The following PRC1 variants were observed in gnomAD, a reference collection of about 807,000 sequenced individuals.
PRC1 encodes protein regulator of cytokinesis 1.
A neutral mutation model predicts 91.2 loss-of-function variants in PRC1; 54 were observed. That is an observed-to-expected ratio of 0.59 (90% confidence interval 0.48 to 0.74). PRC1 has a LOEUF of 0.74. Ranked by LOEUF, PRC1 falls within the 30% of genes least tolerant of loss-of-function variation. The pLI, the probability that PRC1 is intolerant of heterozygous loss-of-function variation, is 0.00. For synonymous variants in PRC1, 275 were observed against 263.6 expected, an observed-to-expected ratio of 1.04 and a Z score of -0.42; for missense variants, 727 against 746.2, an observed-to-expected ratio of 0.97 and a Z score of 0.30.
At chr15:90,990,859 AC>A (rs1419087620) in intron 1 of PRC1, among the ~76,000 whole-genome samples, 1 of 151,498 alleles carries the variant, frequency 6.6e-6, no homozygotes, top group Non-Finnish European at 1.5e-5. Context: ...GCTCACTGCA[AC>A]CTCTGCCTTC....
At position 90,967,989 on chromosome 15, in the gene PRC1, G is replaced by A. The variant is rs193174117; in HGVS notation, c.1792-787C>T. On this transcript the variant is annotated intron_variant, in intron 14 of 14. Transcript: ENST00000394249. ...CTGCTGGTGATTTGATCTCATGCTG[G>A]AGCACATGGTAGAGCAGCAAAAGAT... 152 of 985,180 alleles carry A rather than the reference G, an allele frequency of 1.5e-4. No individual in the cohort carries two copies. The Middle Eastern group carries it at 1.6e-3, about 10-fold the overall frequency. 61.0% of individuals were successfully genotyped at this position (985,180 alleles called of 1,614,324 possible).
At chr15:90,979,428 TGTGTGTAA>T (rs1828862380) in intron 7 of PRC1, 134 bp from the exon 8 acceptor site, 1 of 1,040,634 alleles carries the variant, frequency 9.6e-7, no homozygotes, top group Admixed American at 2.5e-5. Flanking sequence ...GGCGTGTGTG[TGTGTGTAA>T]TAGATATATA....
chr15:90,989,597 G>A (rs2039836322), intron 1 of PRC1, among the ~76,000 whole-genome samples: 1 of 150,664 alleles, frequency 6.6e-6, no homozygotes, highest in Non-Finnish European at 1.5e-5. Context: ...CTGGGTATTT[G>A]CCCAAAAGAA....
chr15:90,975,754 T>C (rs371366226), intron 9 of PRC1, among the ~76,000 whole-genome samples: 28 of 151,888 alleles, frequency 1.8e-4, no homozygotes, highest in East Asian at 5.8e-4. Flanking sequence ...GAGACCGAGA[T>C]GGGAGGAATG....
rs755344493 is a variant in PRC1, at chr15:90,974,631, T to C, written c.1304A>G (p.Gln435Arg). 13 of 1,614,100 alleles carry C rather than the reference T, an allele frequency of 8.1e-6. No individual in the cohort carries two copies. The highest frequency in any genetic ancestry group is 1.1e-5 in the Non-Finnish European group (13 of 1,180,048). The change falls in exon 10 of 15, where the codon CAA becomes CGA. Residue 435 changes from glutamine (Q) to arginine (R), a missense_variant. Transcript: ENST00000394249. The surrounding 1 kb of genome is among the most constrained non-coding windows in gnomAD (Gnocchi z 4.6). Reference sequence around the variant, plus strand: ...TTTCTCCAATCGATGCATCTCCCATTGTTCTGCCACATACTCCATGAATTT... The same window carrying C: ...TTTCTCCAATCGATGCATCTCCCATCGTTCTGCCACATACTCCATGAATTT... ...GQKFMEYVAE[Q>R]WEMHRLEKER...
chr15:90,985,186 C>T (rs1052510896), intron 1 of PRC1, among the ~76,000 whole-genome samples: 1 of 151,706 alleles, frequency 6.6e-6, no homozygotes, highest in South Asian at 2.1e-4. Flanking sequence ...GAAACTCCTG[C>T]AAAATGTTTG....
chr15:90,969,787 T>C (rs1199732748), intron 12 of PRC1, among the ~76,000 whole-genome samples, 164 bp from the exon 13 acceptor site: 2 of 101,536 alleles, frequency 2.0e-5, no homozygotes, highest in South Asian at 3.4e-4. Flanking sequence ...TATATATATA[T>C]ATATATATAT....
At chr15:90,976,565 C>T (rs932073126) in intron 9 of PRC1, 111 bp downstream of exon 9, 3 of 891,900 alleles carry the variant, frequency 3.4e-6, no homozygotes, top group Non-Finnish European at 3.5e-6. Flanking sequence ...ATTATCTCTG[C>T]CTAAGCTTTG....
At chr15:90,967,304 G>T in intron 14 of PRC1, 102 bp from the exon 15 acceptor site, 1 of 919,180 alleles carries the variant, frequency 1.1e-6, no homozygotes, top group Non-Finnish European at 1.8e-6. Context: ...CTTGAAGGTA[G>T]TTTCTCTGAG....
In PRC1 at chr15:90,994,397, C is replaced by CA; in HGVS notation, c.11+9dup. On this transcript the variant is annotated intron_variant, in intron 1 of 14. Transcript: ENST00000394249. ...CTCCCGCGTCCCCTCGATTTCCCCG[C>CA]AACCCGCACCTTCTCCTCATGGCGG... The CA allele has an allele frequency of 1.9e-6, 3 of 1,611,970 alleles. No individual in the cohort carries two copies. Among genetic ancestry groups the CA allele is most frequent in the Non-Finnish European group, 2.5e-6 (3 of 1,179,172 alleles).
intron 14 of PRC1, chr15:90,967,417 C>A (rs1223779456): frequency 5.3e-6 from 3 of 569,440 alleles, no homozygotes; most frequent in Admixed American, 6.2e-5. Context: ...TGCCCGTGAC[C>A]CCTTTTTCCT....
intron 3 of PRC1, 180 bp downstream of exon 3, chr15:90,983,838 C>T (rs1226686476): frequency 5.5e-6 from 4 of 733,872 alleles, no homozygotes; most frequent in African/African-American, 5.3e-5. Context: ...CAGGGCAACT[C>T]TCTACAGAGG....
intron 9 of PRC1, among the ~76,000 whole-genome samples, chr15:90,975,487 G>A (rs765766499): frequency 6.6e-6 from 1 of 152,104 alleles, no homozygotes; most frequent in Non-Finnish European, 1.5e-5. Flanking sequence ...CTAAATGAGA[G>A]CGTTTTGAAA....
chr15:90,984,554 AAAACC>A lies in PRC1; in HGVS notation c.144+134_144+138del, dbSNP rs891102815. On this transcript the variant is annotated intron_variant, in intron 2 of 14. Coordinates refer to ENST00000394249, the MANE Select transcript of PRC1 (RefSeq NM_003981.4). The surrounding 1 kb of genome is among the most constrained non-coding windows in gnomAD (Gnocchi z 5.1). ...TCCTCAAATTTCAAGAAGGGACTTCAAAACCAAACCAAACCAAACAGGAAGAGCCT... is the reference window on the plus strand; with the variant it reads ...TCCTCAAATTTCAAGAAGGGACTTCAAAACCAAACCAAACAGGAAGAGCCT... The A allele has an allele frequency of 1.2e-5, 17 of 1,367,928 alleles. No homozygotes were observed. Among genetic ancestry groups the A allele is most frequent in the Non-Finnish European group, 1.4e-5 (14 of 1,007,054 alleles). The allele number at this position is 1,367,928 out of a possible 1,614,324, so 84.7% of individuals were successfully genotyped here. A position where few individuals can be genotyped will look rare whatever the true frequency, so the allele number is the denominator to read the frequency against.
At chr15:90,977,403 A>G (rs1369007562) in intron 8 of PRC1, 1 of 152,148 alleles carries the variant, frequency 6.6e-6, no homozygotes, top group Non-Finnish European at 1.5e-5. Context: ...AAATAGGGGC[A>G]CACAGGCAGA....
At chr15:90,992,602 G>C (rs371542515) in intron 1 of PRC1, among the ~76,000 whole-genome samples, 1 of 152,056 alleles carries the variant, frequency 6.6e-6, no homozygotes, top group Admixed American at 6.6e-5. Context: ...AAAGTTGTAT[G>C]ATCTTAAGAT....
At chr15:90,982,055 A>G in intron 3 of PRC1, 74 bp from the exon 4 acceptor site, 1 of 1,370,412 alleles carries the variant, frequency 7.3e-7, no homozygotes, top group South Asian at 1.3e-5. Context: ...ACAACATAAG[A>G]AGGCGTGGAT....
chr15:90,975,449 A>G (rs1005488723), intron 9 of PRC1, among the ~76,000 whole-genome samples: 1 of 152,144 alleles, frequency 6.6e-6, no homozygotes, highest in Non-Finnish European at 1.5e-5. Flanking sequence ...CCGACCTCAT[A>G]AGGATGTTGT....
chr15:90,979,382 T>C (rs951643764), intron 7 of PRC1, 88 bp from the exon 8 acceptor site: 10 of 1,406,026 alleles, frequency 7.1e-6, no homozygotes, highest in South Asian at 3.9e-5. Context: ...AAAATGGAAA[T>C]AGATTCTTTC....
Sources: allele counts gnomAD v4.1 joint callset (sites outside exome capture counted in the v4.1 genomes callset), GRCh38; gene constraint gnomAD v4.1.1; non-coding constraint Gnocchi (gnomAD v3.1); transcripts MANE v1.5; gene names NCBI Gene and HGNC (gene_info 2026-07-23, HGNC 2026-07-21).